BIRC6: variants seen among roughly 807,000 people sequenced by gnomAD.
BIRC6 encodes dual E2 ubiquitin-conjugating enzyme/E3 ubiquitin-protein ligase BIRC6.
Under a neutral mutation model 503.3 loss-of-function variants are expected in BIRC6, and 98 were observed. The ratio of observed to expected loss-of-function variants is 0.19; its 90% CI spans 0.17 to 0.23. The LOEUF (loss-of-function observed/expected upper bound fraction) is 0.23, where lower values mean the gene tolerates loss of function less well. BIRC6 is among the 10% of genes least tolerant of loss of function. BIRC6 has a pLI of 1.00. For synonymous variants in BIRC6, 2,240 were observed against 2,078.7 expected, an observed-to-expected ratio of 1.08 and a Z score of -2.11; for missense variants, 5,360 against 5,806.0, an observed-to-expected ratio of 0.92 and a Z score of 2.50.
At chr2:32,498,930 G>T (rs900662261) in intron 45 of BIRC6, among the ~76,000 whole-genome samples, 6 of 152,146 alleles carry the variant, frequency 3.9e-5, no homozygotes, top group African/African-American at 1.2e-4. Context: ...GGCCAGGCCG[G>T]TCTTGAACTT....
intron 65 of BIRC6, among the ~76,000 whole-genome samples, chr2:32,568,503 AAAAAAG>A (rs1449312940): frequency 6.6e-6 from 1 of 150,992 alleles, no homozygotes; most frequent in African/African-American, 2.4e-5. Flanking sequence ...AAAAAAAAAA[AAAAAAG>A]GAAAATAATA....
At chr2:32,610,498 T>G (rs1386004100) in intron 72 of BIRC6, among the ~76,000 whole-genome samples, 2 of 152,208 alleles carry the variant, frequency 1.3e-5, no homozygotes, top group Non-Finnish European at 2.9e-5. Context: ...AATAGTGCCA[T>G]TTCTGGGGAT....
chr2:32,415,457 G>A lies in BIRC6; in HGVS notation c.2166G>A (p.Leu722=). The change falls in exon 10 of 74, where the codon CTG becomes CTA. Residue 722 remains leucine (L), a synonymous_variant. Transcript: ENST00000421745. ...GGACTTTGGTTCAGTGCTTGAGGCT[G>A]CCAAAGTTTGCAGAGGAGGAGAATC... ...KPGTLVQCLR[L]PKFAEEENLC... 6.2e-7 allele frequency: 1 copy of A among 1,613,932 alleles called. No individual in the cohort carries two copies. The highest frequency in any genetic ancestry group is 8.5e-7 in the Non-Finnish European group (1 of 1,179,894).
At chr2:32,410,913 GAT>G (rs2041801234) in intron 9 of BIRC6, among the ~76,000 whole-genome samples, 1 of 152,128 alleles carries the variant, frequency 6.6e-6, no homozygotes, top group African/African-American at 2.4e-5. Flanking sequence ...TGTTAGCCAG[GAT>G]GGTCTTGATC....
rs1427804864 is a variant in BIRC6 at position 32,448,806 on chromosome 2, A to G, written c.4496A>G (p.Tyr1499Cys). The change falls in exon 22 of 74, where the codon TAT (tyrosine) becomes TGT (cysteine). Residue 1499 changes from tyrosine to cysteine, a missense_variant. Physicochemically the swap from Tyr to Cys is radical, Grantham distance 194 (BLOSUM62 -2). Transcript: ENST00000421745. ...EALLQTRYGL[Y>C]SSPFDPVLFD... is the part of the protein sequence containing the mutation. ...ATTTTATTTTTCAGATATGGATTATATAGCTCACCATTTGATCCAGTCCTC... is the reference window on the plus strand; with the variant it reads ...ATTTTATTTTTCAGATATGGATTATGTAGCTCACCATTTGATCCAGTCCTC... 1 of 1,609,228 alleles carries G rather than the reference A, an allele frequency of 6.2e-7. No individual in the cohort carries two copies. Among genetic ancestry groups the G allele is most frequent in the South Asian group, 1.1e-5 (1 of 89,538 alleles).
At chr2:32,397,483 A>T (rs2040031995) in intron 6 of BIRC6, among the ~76,000 whole-genome samples, 1 of 150,694 alleles carries the variant, frequency 6.6e-6, no homozygotes. Context: ...AAAAAAAAAG[A>T]GTGAAGCTGT....
intron 3 of BIRC6, among the ~76,000 whole-genome samples, chr2:32,383,940 C>A (rs988998480): frequency 1.3e-5 from 2 of 152,144 alleles, no homozygotes; most frequent in African/African-American, 2.4e-5. Flanking sequence ...TCTCCTTGCC[C>A]CTGTTACTTA....
chr2:32,460,737 G>T (rs1221552643), intron 23 of BIRC6, among the ~76,000 whole-genome samples: 4 of 151,750 alleles, frequency 2.6e-5, no homozygotes, highest in African/African-American at 9.7e-5. Flanking sequence ...CTGTTTGCTT[G>T]TAGTGATTCA....
rs2062989048 is a variant in BIRC6, at chr2:32,613,087, C to CA, written c.14394+1506dup. On this transcript the variant is annotated intron_variant, in intron 73 of 73. Coordinates refer to ENST00000421745, the MANE Select transcript of BIRC6 (RefSeq NM_016252.4). ...CTGCTCTCCCTCCTCCAGGCCTTTA[C>CA]ACATGGTTTCCATTTTCCTCTACTT... 2.6e-5 allele frequency among the ~76,000 whole-genome samples: 4 copies of CA among 152,132 alleles called. No individual in the cohort carries two copies. In the South Asian group the frequency reaches 8.3e-4, roughly 32 times the overall value.
intron 10 of BIRC6, among the ~76,000 whole-genome samples, chr2:32,420,549 T>A (rs1281368847): frequency 6.6e-6 from 1 of 152,178 alleles, no homozygotes; most frequent in African/African-American, 2.4e-5. Flanking sequence ...AGTCTTGCTT[T>A]GTCACCCAGG....
chr2:32,549,536 A>C lies in BIRC6; in HGVS notation c.13144+55A>C, dbSNP rs994211747. ...ATGAATAATTTTGTTTGCTTATTTT[A>C]TCATTGTCTAATAGTAAGTTTCAGT... is the stretch of plus-strand genomic sequence containing the variant. On this transcript the variant is annotated intron_variant, in intron 65 of 73. Transcript: ENST00000421745. 4.0e-6 allele frequency: 5 copies of C among 1,258,720 alleles called. No individual in the cohort carries two copies. In the Admixed American group the frequency reaches 1.4e-4, roughly 35 times the overall value. 78.0% of individuals were successfully genotyped at this position (1,258,720 alleles called of 1,614,324 possible).
At chr2:32,390,273 C>A (rs888095752) in intron 4 of BIRC6, among the ~76,000 whole-genome samples, 3 of 152,092 alleles carry the variant, frequency 2.0e-5, no homozygotes, top group African/African-American at 7.2e-5. Context: ...CATGTTCATG[C>A]CATTCTCCTG....
At chr2:32,574,303 G>C (rs1300479030) in intron 65 of BIRC6, among the ~76,000 whole-genome samples, 1 of 151,530 alleles carries the variant, frequency 6.6e-6, no homozygotes, top group Admixed American at 6.6e-5. Context: ...TTTTTGTAGA[G>C]ATGGAAGTTT....
chr2:32,447,391 C>T (rs1191261390), intron 21 of BIRC6, among the ~76,000 whole-genome samples: 1 of 151,608 alleles, frequency 6.6e-6, no homozygotes, highest in Non-Finnish European at 1.5e-5. Flanking sequence ...GCTGATCCCC[C>T]CACCTCCCTC....
chr2:32,430,775 C>A (rs994401970), intron 11 of BIRC6, 90 bp from the exon 12 acceptor site: 8 of 973,154 alleles, frequency 8.2e-6, no homozygotes, highest in Non-Finnish European at 7.6e-6. Flanking sequence ...GAAAACCTAC[C>A]CATGAATTAA....
At chr2:32,591,162 T>C (rs537003311) in intron 66 of BIRC6, among the ~76,000 whole-genome samples, 44 of 152,332 alleles carry the variant, frequency 2.9e-4, no homozygotes, top group Non-Finnish European at 5.9e-5. Context: ...TTTTCTTTTT[T>C]TCGGTGTGTT....
At position 32,415,909 on chromosome 2, in the gene BIRC6, A is replaced by T. The variant is rs2042329691; in HGVS notation, c.2618A>T (p.Asp873Val). The change falls in exon 10 of 74, where the codon GAC becomes GTC. Residue 873 changes from aspartate to valine, a missense_variant. Asp to Val is a radical substitution (Grantham distance 152). Transcript: ENST00000421745. ...GATATATTGGATAATCGAGAGGATG[A>T]CTGTGAGGAACCTATTGAGGACATG... ...PPDILDNRED[D>V]CEEPIEDMQL... 1 of 1,613,900 alleles carries T rather than the reference A, an allele frequency of 6.2e-7. No homozygotes were observed. Among genetic ancestry groups the T allele is most frequent in the Non-Finnish European group, 8.5e-7 (1 of 1,179,894 alleles).
intron 6 of BIRC6, among the ~76,000 whole-genome samples, chr2:32,400,133 A>C (rs1261674695): frequency 6.6e-6 from 1 of 151,988 alleles, no homozygotes; most frequent in Non-Finnish European, 1.5e-5. Flanking sequence ...TTTTTAATTT[A>C]ACATTTCTTC....
chr2:32,601,106 A>AAGCTTGCACT (rs2151526435), intron 70 of BIRC6, among the ~76,000 whole-genome samples: 1 of 152,262 alleles, frequency 6.6e-6, no homozygotes, highest in East Asian at 1.9e-4. Flanking sequence ...CGGGTTGCAC[A>AAGCTTGCACT]AGCTTGCACT....
Sources: gnomAD v4.1 joint callset for allele counts (sites outside exome capture counted in the v4.1 genomes callset) on GRCh38, gnomAD v4.1.1 for gene constraint, MANE v1.5 for transcripts, NCBI Gene and HGNC (gene_info 2026-07-23, HGNC 2026-07-21) for gene names.